Variants in C11orf65 observed in about 807,000 individuals in gnomAD.
The protein encoded by C11orf65 is protein MFI.
Under a neutral mutation model 35.3 loss-of-function variants are expected in C11orf65, and 38 were observed. The observed-to-expected ratio is 1.08, with a 90% confidence interval of 0.83 to 1.41. C11orf65 has a LOEUF of 1.41. Ranked by LOEUF, C11orf65 falls within the 40% of genes most tolerant of loss-of-function variation. The pLI is 0.00. For synonymous variants in C11orf65, 105 were observed against 114.4 expected, an observed-to-expected ratio of 0.92 and a Z score of 0.53; for missense variants, 370 against 367.1, an observed-to-expected ratio of 1.01 and a Z score of -0.06.
rs556613533 is a variant in C11orf65 at position 108,312,142 on chromosome 11, C to T, written c.641-3071G>A. 2.6e-5 allele frequency among the ~76,000 whole-genome samples: 4 copies of T among 152,308 alleles called. No individual in the cohort carries two copies. In the East Asian group the frequency reaches 7.7e-4, roughly 29 times the overall value. ...GTACCTGAATTGGATGGCATCTGCT[C>T]TATTTTTAAACAATCCAATCTCTTT... On this transcript the variant is annotated intron_variant, in intron 6 of 6. Transcript: ENST00000525729.
At chr11:108,335,583 G>T (rs1245175875) in intron 2 of C11orf65, among the ~76,000 whole-genome samples, 1 of 152,190 alleles carries the variant, frequency 6.6e-6, no homozygotes, top group Non-Finnish European at 1.5e-5. Flanking sequence ...TTTTACTCAG[G>T]TGTTTGCAGT....
At chr11:108,365,755 T>C (rs986676453) in intron 2 of C11orf65, 21 of 519,056 alleles carry the variant, frequency 4.0e-5, no homozygotes, top group Non-Finnish European at 6.4e-5. Context: ...GGCTCACGCC[T>C]GTAATCCCAG....
At chr11:108,338,071 G>A (rs577267255) in intron 2 of C11orf65, among the ~76,000 whole-genome samples, 3 of 152,314 alleles carry the variant, frequency 2.0e-5, no homozygotes, top group South Asian at 2.1e-4. Flanking sequence ...ATTTCTAGCC[G>A]GGCATGGTGG....
chr11:108,369,678 C>T (rs758534133), intron 2 of C11orf65, among the ~76,000 whole-genome samples: 1 of 152,126 alleles, frequency 6.6e-6, no homozygotes. Flanking sequence ...ACAGCATACA[C>T]AGTTTTATGT....
chr11:108,363,906 G>A (rs1322816323), intron 2 of C11orf65, among the ~76,000 whole-genome samples: 1 of 152,060 alleles, frequency 6.6e-6, no homozygotes, highest in Non-Finnish European at 1.5e-5. Context: ...CTTTTCATTA[G>A]TTCATTAATA....
intron 6 of C11orf65, among the ~76,000 whole-genome samples, chr11:108,396,834 AAAATAAATAAAT>A (rs370728924): frequency 9.2e-4 from 127 of 137,414 alleles, no homozygotes; most frequent in Middle Eastern, 3.7e-3. Flanking sequence ...ACTCCGTCTT[AAAATAAATAAAT>A]AAATAAATAA....
intron 2 of C11orf65, among the ~76,000 whole-genome samples, chr11:108,337,575 T>A (rs1036262251): frequency 1.3e-5 from 2 of 152,188 alleles, no homozygotes; most frequent in African/African-American, 4.8e-5. Flanking sequence ...AGATACCAGT[T>A]ATGTTGATGC....
At chr11:108,317,332 C>G (rs1271268955) in intron 6 of C11orf65, 2 of 1,592,270 alleles carry the variant, frequency 1.3e-6, no homozygotes, top group Non-Finnish European at 1.7e-6. Context: ...CTGTTGATAT[C>G]TTTGATTACT....
At chr11:108,433,496 T>C (rs191146538) in intron 2 of C11orf65, among the ~76,000 whole-genome samples, 4,737 of 151,950 alleles carry the variant, frequency 0.031, 122 homozygotes, top group Non-Finnish European at 0.051. Context: ...AGGAGGATGG[T>C]GTGAACCCAG....
At chr11:108,461,301 G>A (rs528133746) in intron 2 of C11orf65, among the ~76,000 whole-genome samples, 178 bp downstream of exon 2, 1 of 152,212 alleles carries the variant, frequency 6.6e-6, no homozygotes, top group African/African-American at 2.4e-5. Context: ...TGGGGAGGCT[G>A]AGGTGGGAGA....
chr11:108,382,700 C>T (rs934852057), downstream of C11orf65: 1 of 851,118 alleles, frequency 1.2e-6, no homozygotes, highest in African/African-American at 1.8e-5. Context: ...CTCTGCCTTC[C>T]ATGAATGCAC....
At chr11:108,359,474 C>G (rs1386672061) in intron 2 of C11orf65, among the ~76,000 whole-genome samples, 2 of 152,032 alleles carry the variant, frequency 1.3e-5, no homozygotes, top group Non-Finnish European at 2.9e-5. Context: ...ACTCTCCACC[C>G]CAAATCAACA....
intron 2 of C11orf65, among the ~76,000 whole-genome samples, chr11:108,434,992 G>A (rs1468643226): frequency 6.6e-6 from 1 of 152,148 alleles, no homozygotes; most frequent in African/African-American, 2.4e-5. Flanking sequence ...TTGCAATTTA[G>A]AATTCAGTGA....
intron 6 of C11orf65, among the ~76,000 whole-genome samples, chr11:108,400,553 C>G (rs537273104): frequency 1.3e-5 from 2 of 152,288 alleles, no homozygotes; most frequent in East Asian, 3.9e-4. Flanking sequence ...GACTGCTTCT[C>G]CTGTTGCTTA....
At chr11:108,388,948 A>G (rs1473072983) in intron 7 of C11orf65, among the ~76,000 whole-genome samples, 1 of 152,264 alleles carries the variant, frequency 6.6e-6, no homozygotes, top group Non-Finnish European at 1.5e-5. Context: ...TTCGGTTAAT[A>G]GTTGCAGTAC....
chr11:108,367,490 A>G (rs1012476118), intron 2 of C11orf65: 13 of 205,214 alleles, frequency 6.3e-5, no homozygotes, highest in African/African-American at 1.1e-4. Flanking sequence ...AACATCAGAT[A>G]AAAAGCCACC....
intron 6 of C11orf65, among the ~76,000 whole-genome samples, chr11:108,315,318 TTTG>T (rs1421735925): frequency 6.6e-6 from 1 of 152,236 alleles, no homozygotes; most frequent in African/African-American, 2.4e-5. Flanking sequence ...CATCTTTACA[TTTG>T]TTTATATTTG....
intron 1 of C11orf65, among the ~76,000 whole-genome samples, chr11:108,466,944 C>G (rs1052926167): frequency 6.6e-6 from 1 of 150,526 alleles, no homozygotes; most frequent in Non-Finnish European, 1.5e-5. Context: ...TTCGCTTTTC[C>G]TTTTTACCTG....
intron 3 of C11orf65, among the ~76,000 whole-genome samples, chr11:108,430,243 C>G (rs1030110972): frequency 6.6e-6 from 1 of 150,546 alleles, no homozygotes; most frequent in Non-Finnish European, 1.5e-5. Context: ...ATTCTCCTGC[C>G]TCAGCCTCCC....
Sources: allele counts gnomAD v4.1 joint callset (sites outside exome capture counted in the v4.1 genomes callset), GRCh38; gene constraint gnomAD v4.1.1; transcripts MANE v1.5; gene names NCBI Gene and HGNC (gene_info 2026-07-23, HGNC 2026-07-21).